CSMD1: variants seen among roughly 807,000 people sequenced by gnomAD.
CSMD1 encodes the protein CUB and Sushi multiple domains 1, also known as CUB and sushi domain-containing protein 1.
In CSMD1, 213 loss-of-function variants were observed where a neutral mutation model predicts 417.5. The observed-to-expected ratio is 0.51, with a 90% CI of 0.46 to 0.57. The LOEUF (loss-of-function observed/expected upper bound fraction) is 0.57. Ranked by LOEUF, CSMD1 falls within the 20% of genes least tolerant of loss-of-function variation. The probability of loss-of-function intolerance (pLI) is 0.00; values close to 1 mark genes in which losing one functional copy is unlikely to be tolerated. For synonymous variants in CSMD1, 2,862 were observed against 1,736.8 expected (o/e 1.65, Z -16.11); for missense variants, 6,923 against 4,529.7 (o/e 1.53, Z -15.17).
At chr8:4,874,890 G>C (rs1802954535) in intron 1 of CSMD1, among the ~76,000 whole-genome samples, 1 of 149,290 alleles carries the variant, frequency 6.7e-6, no homozygotes, top group East Asian at 2.0e-4. Context: ...ATAGAGTATA[G>C]TGTATATATA....
At chr8:4,815,722 G>GA (rs1799169616) in intron 1 of CSMD1, among the ~76,000 whole-genome samples, 1 of 133,182 alleles carries the variant, frequency 7.5e-6, no homozygotes, top group South Asian at 2.4e-4. Flanking sequence ...AAAAAAAGAA[G>GA]AGAAAGGAAA....
At chr8:4,415,110 G>T (rs934945253) in intron 3 of CSMD1, among the ~76,000 whole-genome samples, 3 of 152,116 alleles carry the variant, frequency 2.0e-5, no homozygotes, top group Non-Finnish European at 4.4e-5. Flanking sequence ...TCTATTGCAA[G>T]GATGAAATAA....
chr8:4,162,718 T>G (rs930542771), intron 3 of CSMD1, among the ~76,000 whole-genome samples: 2 of 152,154 alleles, frequency 1.3e-5, no homozygotes, highest in Admixed American at 6.6e-5. Flanking sequence ...GTGGTGCATT[T>G]GTTCCAATCG....
At chr8:3,550,191 T>C (rs9314497) in intron 10 of CSMD1, among the ~76,000 whole-genome samples, 44,606 of 152,090 alleles carry the variant, frequency 0.29, 7,892 homozygotes, top group East Asian at 0.4. Flanking sequence ...GATTCTCCCA[T>C]ATGCAGCCCA....
chr8:3,259,579 T>TAA (rs776125835), intron 26 of CSMD1, among the ~76,000 whole-genome samples: 26 of 152,302 alleles, frequency 1.7e-4, no homozygotes, highest in Admixed American at 2.6e-4. Context: ...AATGATTAGT[T>TAA]GTTAAACATG....
At chr8:3,668,129 A>G (rs1461059209) in intron 7 of CSMD1, among the ~76,000 whole-genome samples, 3 of 152,222 alleles carry the variant, frequency 2.0e-5, no homozygotes, top group Middle Eastern at 6.8e-3. Flanking sequence ...GTTGAACACA[A>G]TTTGGACAGA....
At position 3,920,485 on chromosome 8, in the gene CSMD1, A is replaced by C. The variant is rs565640953; in HGVS notation, c.818+77418T>G. Among the ~76,000 whole-genome samples, 5 of 152,010 alleles carry C rather than the reference A, an allele frequency of 3.3e-5. No homozygotes were observed. In the South Asian group the frequency reaches 1.0e-3, roughly 32 times the overall value. ...GTGCCTTTTATTCTTTTACTTTCCT[A>C]ATTGATCTGGCTAGGACTTTCAGTA... On this transcript the variant is annotated intron_variant, in intron 5 of 69. Transcript: ENST00000635120.
intron 3 of CSMD1, among the ~76,000 whole-genome samples, chr8:4,362,075 A>G (rs1429836777): frequency 6.6e-6 from 1 of 152,210 alleles, no homozygotes; most frequent in Non-Finnish European, 1.5e-5. Context: ...AAAGGCTGAG[A>G]TAATTTAATT....
intron 2 of CSMD1, among the ~76,000 whole-genome samples, chr8:4,531,157 T>G (rs571974137): frequency 1.3e-5 from 2 of 152,326 alleles, no homozygotes; most frequent in South Asian, 2.1e-4. Flanking sequence ...ACATTTTTTG[T>G]AGGATCTGTC....
intron 4 of CSMD1, among the ~76,000 whole-genome samples, chr8:3,998,922 CTATA>C (rs1815440018): frequency 6.7e-6 from 1 of 148,410 alleles, no homozygotes; most frequent in African/African-American, 2.5e-5. Flanking sequence ...AAATAACAAA[CTATA>C]TAGTAGTTTA....
intron 12 of CSMD1, among the ~76,000 whole-genome samples, chr8:3,443,160 C>T (rs1815097388): frequency 1.3e-5 from 2 of 152,194 alleles, no homozygotes; most frequent in Non-Finnish European, 2.9e-5. Context: ...CACCACGTGT[C>T]ACCTTCTGCT....
chr8:4,320,696 T>C (rs1563449331), intron 3 of CSMD1, among the ~76,000 whole-genome samples: 2 of 152,202 alleles, frequency 1.3e-5, no homozygotes, highest in African/African-American at 2.4e-5. Context: ...CTCATCCTTT[T>C]TTATGGCTGC....
At position 4,417,375 on chromosome 8, in the gene CSMD1, C is replaced by T. The variant is rs148150353; in HGVS notation, c.415+2578G>A. Among the ~76,000 whole-genome samples the T allele has an allele frequency of 4.6e-4, 70 of 151,962 alleles. 1 individual carries two copies. In the South Asian group the frequency reaches 6.8e-3, roughly 15 times the overall value. Reference sequence around the variant, plus strand: ...CCAGACAACAGTTGAGTTTGGTGTCCGGATTATGTTTATTCCCAAGGTTAT... The same window carrying T: ...CCAGACAACAGTTGAGTTTGGTGTCTGGATTATGTTTATTCCCAAGGTTAT... On this transcript the variant is annotated intron_variant, in intron 3 of 69. Coordinates refer to ENST00000635120, the MANE Select transcript of CSMD1 (RefSeq NM_033225.6).
At chr8:3,716,943 A>C (rs917259015) in intron 6 of CSMD1, among the ~76,000 whole-genome samples, 3 of 152,220 alleles carry the variant, frequency 2.0e-5, no homozygotes, top group African/African-American at 7.2e-5. Context: ...CCAAAATGTT[A>C]TAAGATTTAT....
chr8:4,050,911 G>C (rs1585208669), intron 3 of CSMD1, among the ~76,000 whole-genome samples: 1 of 152,050 alleles, frequency 6.6e-6, no homozygotes, highest in African/African-American at 2.4e-5. Flanking sequence ...CTTTACGTGA[G>C]TCTTGAAGTG....
At chr8:4,675,746 C>G (rs1180534728) in intron 1 of CSMD1, among the ~76,000 whole-genome samples, 2 of 152,164 alleles carry the variant, frequency 1.3e-5, no homozygotes, top group African/African-American at 4.8e-5. Context: ...TACTCCCTTA[C>G]ATTGCATTCT....
chr8:3,872,750 G>T (rs140761477), intron 5 of CSMD1, among the ~76,000 whole-genome samples: 1 of 151,678 alleles, frequency 6.6e-6, no homozygotes, highest in East Asian at 1.9e-4. Flanking sequence ...CTTCAAAACC[G>T]GAGAAATTTT....
intron 3 of CSMD1, among the ~76,000 whole-genome samples, chr8:4,371,383 G>T (rs745649430): frequency 7.2e-5 from 11 of 152,190 alleles, no homozygotes; most frequent in Non-Finnish European, 1.3e-4. Flanking sequence ...GTTATATTTT[G>T]TATTAAACAT....
Position 4,867,664 on chromosome 8 carries a change from G to A in CSMD1, c.85+126668C>T, listed in dbSNP as rs527850887. ...GCCAGATTGGAAATAGAATGATGGTGCTGAGAAAAGTTATATGTTTAGAAT... is the reference window on the plus strand; with the variant it reads ...GCCAGATTGGAAATAGAATGATGGTACTGAGAAAAGTTATATGTTTAGAAT... On this transcript the variant is annotated intron_variant, in intron 1 of 69. Coordinates refer to ENST00000635120, the MANE Select transcript of CSMD1 (RefSeq NM_033225.6). Among the ~76,000 whole-genome samples, 53 of 152,156 alleles carry A rather than the reference G, an allele frequency of 3.5e-4. 1 individual carries two copies. Among genetic ancestry groups the A allele is most frequent in the African/African-American group, 1.3e-3 (52 of 41,456 alleles).
Sources: gnomAD v4.1 joint callset for allele counts (sites outside exome capture counted in the v4.1 genomes callset) on GRCh38, gnomAD v4.1.1 for gene constraint, MANE v1.5 for transcripts, NCBI Gene and HGNC (gene_info 2026-07-23, HGNC 2026-07-21) for gene names.